KIZ: variants seen among roughly 807,000 people sequenced by gnomAD.
KIZ encodes the protein centrosomal protein kizuna.
Under a neutral mutation model 79.6 loss-of-function variants are expected in KIZ, and 68 were observed. That is an observed-to-expected ratio of 0.85 (90% CI 0.70 to 1.05). The LOEUF (loss-of-function observed/expected upper bound fraction) is 1.05, where lower values mean the gene tolerates loss of function less well. Among genes scored for constraint, KIZ ranks in the 50% least tolerant of loss-of-function variants. KIZ has a pLI of 0.00. For synonymous variants in KIZ, 280 were observed against 281.8 expected, an observed-to-expected ratio of 0.99 and a Z score of 0.06; for missense variants, 797 against 800.4, an observed-to-expected ratio of 1.00 and a Z score of 0.05.
chr20:21,228,504 T>G (rs2036726877), intron 9 of KIZ, among the ~76,000 whole-genome samples: 1 of 152,144 alleles, frequency 6.6e-6, no homozygotes, highest in Non-Finnish European at 1.5e-5. Context: ...ATGGCAAGAC[T>G]TGGTTAGATT....
chr20:21,202,942 C>G (rs1377653504), intron 6 of KIZ, among the ~76,000 whole-genome samples: 1 of 152,144 alleles, frequency 6.6e-6, no homozygotes, highest in Non-Finnish European at 1.5e-5. Flanking sequence ...CTCCCTAACG[C>G]TTTTTTTCTT....
chr20:21,155,308 T>C (rs1419979691), intron 4 of KIZ, among the ~76,000 whole-genome samples: 2 of 152,132 alleles, frequency 1.3e-5, no homozygotes, highest in African/African-American at 4.8e-5. Context: ...AACTACAGTA[T>C]ATCCTTAAAA....
intron 4 of KIZ, 126 bp from the exon 5 acceptor site, chr20:21,161,745 C>T (rs948333646): frequency 3.2e-6 from 2 of 623,268 alleles, no homozygotes; most frequent in Middle Eastern, 3.0e-4. Context: ...TTTAATAATA[C>T]ATGGTAGGTG....
At chr20:21,182,134 G>A (rs2034679760) in intron 6 of KIZ, among the ~76,000 whole-genome samples, 1 of 152,210 alleles carries the variant, frequency 6.6e-6, no homozygotes, top group African/African-American at 2.4e-5. Context: ...GATATTTGGA[G>A]AAGGGACCTT....
intron 4 of KIZ, among the ~76,000 whole-genome samples, chr20:21,147,294 G>A (rs1408281448): frequency 1.3e-5 from 2 of 152,142 alleles, no homozygotes; most frequent in Non-Finnish European, 2.9e-5. Context: ...ATGGAAAGGT[G>A]TCATTTCCTT....
At chr20:21,168,532 C>T (rs1419860693) in intron 6 of KIZ, among the ~76,000 whole-genome samples, 8 of 152,122 alleles carry the variant, frequency 5.3e-5, no homozygotes, top group Non-Finnish European at 1.2e-4. Flanking sequence ...GATTCAATGC[C>T]ATCCCCATCA....
intron 6 of KIZ, among the ~76,000 whole-genome samples, chr20:21,167,656 G>C (rs539271938): frequency 6.7e-6 from 1 of 148,874 alleles, no homozygotes; most frequent in Non-Finnish European, 1.5e-5. Context: ...CCACCTCCCG[G>C]GTGCAAGCTA....
chr20:21,238,431 T>C (rs1230081966), intron 11 of KIZ, among the ~76,000 whole-genome samples: 1 of 151,912 alleles, frequency 6.6e-6, no homozygotes, highest in Non-Finnish European at 1.5e-5. Context: ...ACATACATTT[T>C]CAAAGGGAGA....
Position 21,162,517 on chromosome 20 carries a change from G to A in KIZ, c.1042+10G>A. The A allele has an allele frequency of 1.2e-6, 2 of 1,601,492 alleles. No individual in the cohort carries two copies. Among genetic ancestry groups the A allele is most frequent in the South Asian group, 1.1e-5 (1 of 89,552 alleles). ...TGGGAAGGTGTTTCAGGTGGGATGA[G>A]AGGCTGAGTTTGGTTGCTGATTTTT... On this transcript the variant is annotated intron_variant, in intron 5 of 12. Transcript: ENST00000619189.
At chr20:21,169,657 C>T (rs1362366454) in intron 6 of KIZ, among the ~76,000 whole-genome samples, 1 of 152,134 alleles carries the variant, frequency 6.6e-6, no homozygotes, top group East Asian at 1.9e-4. Context: ...CTATTCATAA[C>T]AGCAAAGACT....
intron 10 of KIZ, among the ~76,000 whole-genome samples, chr20:21,229,774 C>A (rs2036777725): frequency 6.6e-6 from 1 of 151,990 alleles, no homozygotes; most frequent in African/African-American, 2.4e-5. Context: ...TAGGGTTTTG[C>A]CATGTTGCTC....
chr20:21,168,335 G>T (rs1048293922), intron 6 of KIZ, among the ~76,000 whole-genome samples: 1 of 152,160 alleles, frequency 6.6e-6, no homozygotes, highest in African/African-American at 2.4e-5. Context: ...GGACATTTGG[G>T]TTGGTTCCAA....
intron 2 of KIZ, among the ~76,000 whole-genome samples, chr20:21,135,220 G>A (rs2032115711): frequency 6.6e-6 from 1 of 152,200 alleles, no homozygotes; most frequent in African/African-American, 2.4e-5. Context: ...GGTTAATGTG[G>A]TAGCTGGAAT....
rs1254494198 is a variant in KIZ, at chr20:21,136,486, ATTTGAGCG to A, written c.251_258del (p.Phe84CysfsTer23). The A allele has an allele frequency of 1.7e-5, 28 of 1,600,478 alleles. No individual in the cohort carries two copies. The highest frequency in any genetic ancestry group is 2.1e-5 in the Non-Finnish European group (25 of 1,172,102). On this transcript the variant is annotated frameshift_variant, in exon 3 of 13. Coordinates refer to ENST00000619189, the MANE Select transcript of KIZ (RefSeq NM_018474.6). LOFTEE classifies it high-confidence loss of function. ...CTCGAAACCAAGAATATTTAAAGCG[ATTTGAGCG>A]TGTCCAAGCTCATGTTGTACACTTC...
chr20:21,187,566 C>T (rs974081111), intron 6 of KIZ, among the ~76,000 whole-genome samples: 3 of 152,180 alleles, frequency 2.0e-5, no homozygotes, highest in Admixed American at 2.0e-4. Flanking sequence ...TCCCTTCTCC[C>T]TGAATCCGCT....
At chr20:21,144,514 G>A (rs577296340) in intron 3 of KIZ, among the ~76,000 whole-genome samples, 13 of 151,822 alleles carry the variant, frequency 8.6e-5, no homozygotes, top group African/African-American at 3.1e-4. Context: ...ATTTGTACTG[G>A]CCTGATAAAA....
intron 6 of KIZ, among the ~76,000 whole-genome samples, chr20:21,172,249 A>C (rs779508043): frequency 6.6e-6 from 1 of 152,170 alleles, no homozygotes; most frequent in Non-Finnish European, 1.5e-5. Context: ...TATGGTACTT[A>C]TGATCATGCA....
At chr20:21,132,487 G>C (rs1453096465) in intron 2 of KIZ, among the ~76,000 whole-genome samples, 1 of 152,090 alleles carries the variant, frequency 6.6e-6, no homozygotes, top group Non-Finnish European at 1.5e-5. Flanking sequence ...CACCATGCTG[G>C]CCAGGCTGGT....
At chr20:21,144,233 C>T (rs1323029487) in intron 3 of KIZ, 1 of 152,076 alleles carries the variant, frequency 6.6e-6, no homozygotes, top group Non-Finnish European at 1.5e-5. Flanking sequence ...AAATCAGGTA[C>T]AATGCTCATT....
Sources: gnomAD v4.1 joint callset for allele counts (sites outside exome capture counted in the v4.1 genomes callset) on GRCh38, gnomAD v4.1.1 for gene constraint, MANE v1.5 for transcripts, NCBI Gene and HGNC (gene_info 2026-07-23, HGNC 2026-07-21) for gene names.